Variants in ARID3B observed in about 807,000 individuals in gnomAD.
ARID3B encodes the protein AT-rich interactive domain-containing protein 3B.
ARID3B carries 10 observed loss-of-function variants against 51.9 expected under a neutral mutation model. The ratio of observed to expected loss-of-function variants is 0.19; its 90% CI spans 0.12 to 0.33. The LOEUF is 0.33. Among genes scored for constraint, ARID3B ranks in the 10% least tolerant of loss-of-function variants. The pLI is 1.00. For missense variants in ARID3B, 483 were observed against 716.3 expected, an observed-to-expected ratio of 0.67 and a Z score of 3.72; for synonymous variants, 205 against 279.5, an observed-to-expected ratio of 0.73 and a Z score of 2.66.
chr15:74,541,663 A>G (rs1299203089), intron 1 of ARID3B, among the ~76,000 whole-genome samples: 6 of 131,440 alleles, frequency 4.6e-5, no homozygotes, highest in African/African-American at 1.7e-4. Flanking sequence ...GATAGGGCTG[A>G]ATGGGGGGAG....
chr15:74,556,197 A>G (rs2141451967), intron 2 of ARID3B, among the ~76,000 whole-genome samples: 1 of 152,300 alleles, frequency 6.6e-6, no homozygotes, highest in Middle Eastern at 3.4e-3. Context: ...CTTAGAGGTC[A>G]TTGCAAGGTT....
At chr15:74,555,634 A>G (rs2061654658) in intron 2 of ARID3B, among the ~76,000 whole-genome samples, 1 of 151,212 alleles carries the variant, frequency 6.6e-6, no homozygotes, top group Non-Finnish European at 1.5e-5. Context: ...GCCTGGCCCC[A>G]GTTGCTATTT....
At chr15:74,568,336 TCTC>T (rs1024127121) in intron 2 of ARID3B, among the ~76,000 whole-genome samples, 2 of 152,182 alleles carry the variant, frequency 1.3e-5, no homozygotes, top group African/African-American at 2.4e-5. Flanking sequence ...CCCTTCCTGA[TCTC>T]CTTATCCAGA....
chr15:74,549,264 A>G (rs568951562), intron 2 of ARID3B, among the ~76,000 whole-genome samples: 1 of 151,698 alleles, frequency 6.6e-6, no homozygotes, highest in African/African-American at 2.4e-5. Flanking sequence ...TTTAGTAGAG[A>G]CGGGGTTTCA....
intron 4 of ARID3B, among the ~76,000 whole-genome samples, chr15:74,581,524 C>T (rs945943532): frequency 2.6e-5 from 4 of 152,124 alleles, no homozygotes; most frequent in South Asian, 2.1e-4. Context: ...AACTTTATCC[C>T]GAAATGAAAG....
chr15:74,572,096 C>T (rs912072780), intron 2 of ARID3B, among the ~76,000 whole-genome samples: 5 of 150,652 alleles, frequency 3.3e-5, no homozygotes, highest in African/African-American at 7.3e-5. Context: ...GCAACAAGAG[C>T]GAAACTCCAT....
At chr15:74,579,347 G>A (rs1356320396) in intron 4 of ARID3B, among the ~76,000 whole-genome samples, 2 of 152,286 alleles carry the variant, frequency 1.3e-5, no homozygotes, top group East Asian at 3.9e-4. Context: ...GGAGTGGGAC[G>A]AGGCGCAGTG....
At position 74,591,797 on chromosome 15, in the gene ARID3B, T is replaced by G. The variant is rs757691580; in HGVS notation, c.1403T>G (p.Ile468Ser). The change falls in exon 7 of 9, where the codon ATC becomes AGC. Residue 468 changes from isoleucine (I) to serine (S), a missense_variant. By Grantham distance (142) the Ile-to-Ser change is moderately radical (BLOSUM62 -2). Coordinates refer to ENST00000346246, the MANE Select transcript of ARID3B (RefSeq NM_006465.4). This position sits in a 1 kb window ranked among gnomAD's most constrained non-coding sequence, Gnocchi z 5.8. ...ATGGCACGGCAGCTCCCCATGAAGA[T>G]CAGGATCAACGGCAGGGGTGAGCCA... Reference protein sequence around the residue: ...FSMARQLPMKIRINGREDRAE... With the variant: ...FSMARQLPMKSRINGREDRAE... 90 of 1,613,528 alleles carry G rather than the reference T, an allele frequency of 5.6e-5. No homozygotes were observed. The Admixed American group carries it at 1.5e-3, about 26-fold the overall frequency.
intron 2 of ARID3B, among the ~76,000 whole-genome samples, chr15:74,569,506 G>A (rs1055039597): frequency 6.6e-6 from 1 of 152,186 alleles, no homozygotes; most frequent in African/African-American, 2.4e-5. Flanking sequence ...AGAATCGCCT[G>A]AACCTAAGAG....
At chr15:74,593,429 C>T (rs1235029219) in intron 8 of ARID3B, among the ~76,000 whole-genome samples, 193 bp downstream of exon 8, 1 of 152,178 alleles carries the variant, frequency 6.6e-6, no homozygotes, top group African/African-American at 2.4e-5. Flanking sequence ...GATGATAGGT[C>T]CCTCCCACTT....
At chr15:74,561,729 A>G (rs1219585607) in intron 2 of ARID3B, among the ~76,000 whole-genome samples, 5 of 152,240 alleles carry the variant, frequency 3.3e-5, no homozygotes, top group Admixed American at 6.5e-5. Flanking sequence ...AAATGCTGGA[A>G]TAGTGCCTGG....
At chr15:74,554,550 G>A (rs1004380121) in intron 2 of ARID3B, among the ~76,000 whole-genome samples, 40 of 150,870 alleles carry the variant, frequency 2.7e-4, no homozygotes, top group Admixed American at 2.5e-3. Context: ...TGATCTACCC[G>A]CCTCAGCCTC....
intron 2 of ARID3B, among the ~76,000 whole-genome samples, chr15:74,555,894 C>T (rs1332572178): frequency 6.8e-6 from 1 of 148,120 alleles, no homozygotes; most frequent in African/African-American, 2.5e-5. Flanking sequence ...CAGGTTCATG[C>T]CATTCTCCTG....
rs1596247607 is a variant in ARID3B at position 74,543,925 on chromosome 15, C to G, written c.-12C>G. 6.2e-7 allele frequency: 1 copy of G among 1,601,820 alleles called. No homozygotes were observed. The highest frequency in any genetic ancestry group is 2.2e-5 in the East Asian group (1 of 44,880). ...GAGTCATGCCACTCTGTGGGTGAAGCTTGAGGCAAAAATGGAGCCACTTCA... is the reference window on the plus strand; with the variant it reads ...GAGTCATGCCACTCTGTGGGTGAAGGTTGAGGCAAAAATGGAGCCACTTCA... On this transcript the variant is annotated 5_prime_UTR_variant, in exon 2 of 9. Transcript: ENST00000346246.
chr15:74,543,319 G>C (rs897961211), intron 1 of ARID3B, among the ~76,000 whole-genome samples: 2 of 152,182 alleles, frequency 1.3e-5, no homozygotes, highest in Non-Finnish European at 2.9e-5. Context: ...GCTTGGTCTT[G>C]CTTTTTCTAT....
chr15:74,568,079 G>C (rs1036230480), intron 2 of ARID3B, among the ~76,000 whole-genome samples: 3 of 152,138 alleles, frequency 2.0e-5, no homozygotes, highest in African/African-American at 7.2e-5. Flanking sequence ...CATTCTACTG[G>C]AATGGTCTAT....
At position 74,541,220 on chromosome 15, in the gene ARID3B, C is replaced by T. The variant is rs1265528821; in HGVS notation, c.-188C>T. 1.3e-5 allele frequency: 2 copies of T among 151,556 alleles called. No individual in the cohort carries two copies. The highest frequency in any genetic ancestry group is 6.6e-5 in the Admixed American group (1 of 15,200). The allele number at this position is 151,556 out of a possible 1,614,324, so 9.4% of individuals were successfully genotyped here. A position where few individuals can be genotyped will look rare whatever the true frequency, so the allele number is the denominator to read the frequency against. On this transcript the variant is annotated 5_prime_UTR_variant, in exon 1 of 9. Transcript: ENST00000346246. The stretch of plus-strand genomic sequence containing the variant: ...CCGCGGCGCCGCTTCCGGTGCGGGC[C>T]CCGCCCCGGCTGTGGCCCCCGGCTG...
At chr15:74,566,784 G>A (rs548136759) in intron 2 of ARID3B, among the ~76,000 whole-genome samples, 1 of 152,182 alleles carries the variant, frequency 6.6e-6, no homozygotes, top group South Asian at 2.1e-4. Flanking sequence ...TAAAAAAAGA[G>A]CATAATTGCA....
chr15:74,564,129 G>A (rs2061689558), intron 2 of ARID3B, among the ~76,000 whole-genome samples: 1 of 152,212 alleles, frequency 6.6e-6, no homozygotes. Context: ...GTGTTTCCAA[G>A]GCCTGAGCGA....
Sources: allele counts gnomAD v4.1 joint callset (sites outside exome capture counted in the v4.1 genomes callset), GRCh38; gene constraint gnomAD v4.1.1; non-coding constraint Gnocchi (gnomAD v3.1); transcripts MANE v1.5; gene names NCBI Gene and HGNC (gene_info 2026-07-23, HGNC 2026-07-21).